NFIX: variants seen among roughly 807,000 people sequenced by gnomAD.
NFIX encodes nuclear factor I X.
A neutral mutation model predicts 53.3 loss-of-function variants in NFIX; 2 were observed. The ratio of observed to expected loss-of-function variants is 0.04; its 90% CI spans 0.02 to 0.12. NFIX has a LOEUF of 0.12. NFIX is among the 10% of genes least tolerant of loss of function. NFIX has a pLI of 1.00. For missense variants in NFIX, 310 were observed against 674.5 expected (o/e 0.46, Z 5.99); for synonymous variants, 244 against 289.0 (o/e 0.84, Z 1.58).
chr19:13,009,910 C>T lies in NFIX; in HGVS notation c.27+14046C>T, dbSNP rs1599714078. ...GAACGGGGCCGGGGGTCTTCAAAGGCAGAGAAGTCTCAGGACTTCAAACCA... is the reference window on the plus strand; with the variant it reads ...GAACGGGGCCGGGGGTCTTCAAAGGTAGAGAAGTCTCAGGACTTCAAACCA... On this transcript the variant is annotated intron_variant, in intron 1 of 10. Transcript: ENST00000592199. This position sits in a 1 kb window ranked among gnomAD's most constrained non-coding sequence, Gnocchi z 4.7. Among the ~76,000 whole-genome samples the T allele has an allele frequency of 6.6e-6, 1 of 152,266 alleles. No homozygotes were observed. The highest frequency in any genetic ancestry group is 2.1e-4 in the South Asian group (1 of 4,828).
chr19:13,087,882 C>T (rs2017879766), intron 8 of NFIX, 107 bp from the exon 9 acceptor site: 2 of 1,347,060 alleles, frequency 1.5e-6, no homozygotes, highest in East Asian at 2.6e-5. Context: ...CCTGGATCTT[C>T]CACCGGGAGC....
At chr19:13,018,299 C>T (rs1179426229) in intron 1 of NFIX, among the ~76,000 whole-genome samples, 2 of 126,844 alleles carry the variant, frequency 1.6e-5, no homozygotes, top group East Asian at 4.6e-4. Flanking sequence ...CAGGCCACCG[C>T]TCCTGGTTTG....
chr19:13,063,355 C>A (rs374513695), intron 2 of NFIX, among the ~76,000 whole-genome samples: 1 of 152,166 alleles, frequency 6.6e-6, no homozygotes, highest in African/African-American at 2.4e-5. Flanking sequence ...GGCTCCTTGT[C>A]CTGGGGTCTC....
intron 2 of NFIX, among the ~76,000 whole-genome samples, chr19:13,065,955 A>G (rs2016375328): frequency 6.6e-6 from 1 of 152,100 alleles, no homozygotes; most frequent in South Asian, 2.1e-4. Flanking sequence ...TTCTCATTAT[A>G]TGAGGGAGGC....
chr19:13,039,220 A>ACCG (rs2014430019), intron 2 of NFIX, among the ~76,000 whole-genome samples: 1 of 135,658 alleles, frequency 7.4e-6, no homozygotes, highest in Admixed American at 7.1e-5. Context: ...TAAATTAAAC[A>ACCG]CCCCCCCCCA....
At chr19:13,044,762 G>C (rs893527178) in intron 2 of NFIX, among the ~76,000 whole-genome samples, 3 of 152,186 alleles carry the variant, frequency 2.0e-5, no homozygotes, top group African/African-American at 7.2e-5. Context: ...TAGTAAAAGA[G>C]ATTACAATTG....
chr19:13,083,298 C>G (rs780169614), intron 8 of NFIX, among the ~76,000 whole-genome samples: 2 of 152,160 alleles, frequency 1.3e-5, no homozygotes, highest in African/African-American at 4.8e-5. Flanking sequence ...TGGGATATGC[C>G]GCAGAGAGGC....
chr19:13,068,114 A>G lies in NFIX; in HGVS notation c.560-4933A>G, dbSNP rs564905771. Among the ~76,000 whole-genome samples the G allele has an allele frequency of 6.8e-4, 104 of 152,002 alleles. No individual in the cohort carries two copies. The highest frequency in any genetic ancestry group is 2.5e-3 in the African/African-American group (102 of 41,424). On this transcript the variant is annotated intron_variant, in intron 2 of 10. Coordinates refer to ENST00000592199, the MANE Select transcript of NFIX (RefSeq NM_001365902.3). This position sits in a 1 kb window ranked among gnomAD's most constrained non-coding sequence, Gnocchi z 4.2. The stretch of plus-strand genomic sequence containing the variant: ...AGCAAGACTCCATCTCAAAAAAAAA[A>G]CAAAAACAAAAACAAAAAACAAAAA...
intron 2 of NFIX, among the ~76,000 whole-genome samples, chr19:13,064,378 G>A (rs1008947300): frequency 2.0e-5 from 3 of 152,210 alleles, no homozygotes; most frequent in African/African-American, 7.2e-5. Context: ...AGGCTGGGCT[G>A]GGCTGGGCAG....
chr19:13,089,322 C>T lies in NFIX; in HGVS notation c.1403-977C>T, dbSNP rs973249815. On this transcript the variant is annotated intron_variant, in intron 9 of 10. Coordinates refer to ENST00000592199, the MANE Select transcript of NFIX (RefSeq NM_001365902.3). This position sits in a 1 kb window ranked among gnomAD's most constrained non-coding sequence, Gnocchi z 4.8. Reference sequence around the variant, plus strand: ...CGGGCCTTCCAGGTAACCTGTGACACTCCTTGCCTCCTCTGGGGGCATCTT... The same window carrying T: ...CGGGCCTTCCAGGTAACCTGTGACATTCCTTGCCTCCTCTGGGGGCATCTT... 6.6e-6 allele frequency among the ~76,000 whole-genome samples: 1 copy of T among 152,132 alleles called. No individual in the cohort carries two copies. The highest frequency in any genetic ancestry group is 1.5e-5 in the Non-Finnish European group (1 of 68,006).
In NFIX at chr19:13,073,205, C is replaced by T. The variant is rs2016872034; in HGVS notation, c.622+96C>T. The T allele has an allele frequency of 8.3e-7, 1 of 1,210,042 alleles. No individual in the cohort carries two copies. Among genetic ancestry groups the T allele is most frequent in the Admixed American group, 1.7e-5 (1 of 59,294 alleles). The allele number at this position is 1,210,042 out of a possible 1,614,324, so 75.0% of individuals were successfully genotyped here. ...GCCCTGGCCACCCTCACTTCTTCCC[C>T]TTCATTCAGCTGTCCCTTGACTGAG... On this transcript the variant is annotated intron_variant, in intron 3 of 10. Coordinates refer to ENST00000592199, the MANE Select transcript of NFIX (RefSeq NM_001365902.3). The surrounding 1 kb of genome is among the most constrained non-coding windows in gnomAD (Gnocchi z 4.5).
At chr19:13,079,539 G>A (rs1005291564) in intron 7 of NFIX, among the ~76,000 whole-genome samples, 2 of 152,202 alleles carry the variant, frequency 1.3e-5, no homozygotes, top group African/African-American at 2.4e-5. Context: ...CCCTATGTCC[G>A]CCTGCCATCT....
At position 13,057,584 on chromosome 19, in the gene NFIX, G is replaced by A. The variant is rs542394982; in HGVS notation, c.560-15463G>A. Reference sequence around the variant, plus strand: ...ATGTCCTCCTCAGGCTGAGGAGAGGGGAACAAGCTATTAAAAGTAAATAAA... The same window carrying A: ...ATGTCCTCCTCAGGCTGAGGAGAGGAGAACAAGCTATTAAAAGTAAATAAA... On this transcript the variant is annotated intron_variant, in intron 2 of 10. Coordinates refer to ENST00000592199, the MANE Select transcript of NFIX (RefSeq NM_001365902.3). Among the ~76,000 whole-genome samples, 10 of 152,210 alleles carry A rather than the reference G, an allele frequency of 6.6e-5. No individual in the cohort carries two copies. The South Asian group carries it at 1.5e-3, about 22-fold the overall frequency.
intron 2 of NFIX, among the ~76,000 whole-genome samples, chr19:13,041,701 G>A (rs574750907): frequency 3.7e-4 from 56 of 151,686 alleles, no homozygotes; most frequent in African/African-American, 1.2e-3. Context: ...GGCTGAGGCA[G>A]GAGAATCACT....
At chr19:13,024,063 T>C (rs1369924231) in intron 1 of NFIX, 1 of 1,354,632 alleles carries the variant, frequency 7.4e-7, no homozygotes, top group Admixed American at 2.1e-5. Flanking sequence ...CCAGTTTTAT[T>C]TTTGTAAACA....
At position 13,028,939 on chromosome 19, in the gene NFIX, GAA is replaced by G. The variant is rs371648003; in HGVS notation, c.559+3397_559+3398del. Among the ~76,000 whole-genome samples, 1 of 146,958 alleles carries G rather than the reference GAA, an allele frequency of 6.8e-6. No individual in the cohort carries two copies. The highest frequency in any genetic ancestry group is 1.5e-5 in the Non-Finnish European group (1 of 66,314). On this transcript the variant is annotated intron_variant, in intron 2 of 10. Coordinates refer to ENST00000592199, the MANE Select transcript of NFIX (RefSeq NM_001365902.3). The surrounding 1 kb of genome is among the most constrained non-coding windows in gnomAD (Gnocchi z 4.2). ...ACACCTAAGCCTTGGTCCTAGGAAA[GAA>G]AAAAAAAAATCCAAAGCTAACAAAA...
rs568831727 is a variant in NFIX at position 13,015,741 on chromosome 19, C to T, written c.28-9280C>T. Among the ~76,000 whole-genome samples, 6 of 152,208 alleles carry T rather than the reference C, an allele frequency of 3.9e-5. No homozygotes were observed. The East Asian group carries it at 1.2e-3, about 29-fold the overall frequency. ...CTGTTAGTCTGCTAAACCCGCTGCA[C>T]AGTTGGTTGCCCTGTTGATGGGATC... On this transcript the variant is annotated intron_variant, in intron 1 of 10. Transcript: ENST00000592199.
intron 2 of NFIX, among the ~76,000 whole-genome samples, chr19:13,030,934 G>A (rs917808185): frequency 2.0e-5 from 3 of 152,222 alleles, no homozygotes; most frequent in African/African-American, 4.8e-5. Flanking sequence ...TTGCACACCC[G>A]TGAAGCTGGC....
At chr19:13,062,394 G>A (rs2016145830) in intron 2 of NFIX, among the ~76,000 whole-genome samples, 1 of 152,242 alleles carries the variant, frequency 6.6e-6, no homozygotes, top group Admixed American at 6.5e-5. Context: ...TGTAGCCATG[G>A]TTTGAAGAAG....
Sources: allele counts gnomAD v4.1 joint callset (sites outside exome capture counted in the v4.1 genomes callset), GRCh38; gene constraint gnomAD v4.1.1; non-coding constraint Gnocchi (gnomAD v3.1); transcripts MANE v1.5; gene names NCBI Gene and HGNC (gene_info 2026-07-23, HGNC 2026-07-21).